BRWD1: variants seen among roughly 807,000 people sequenced by gnomAD.
BRWD1 encodes bromodomain and WD repeat-containing protein 1.
Under a neutral mutation model 251.2 loss-of-function variants are expected in BRWD1, and 82 were observed. The ratio of observed to expected loss-of-function variants is 0.33; its 90% CI spans 0.27 to 0.39. The LOEUF is 0.39. Among genes scored for constraint, BRWD1 ranks in the 10% least tolerant of loss-of-function variants. The pLI is 1.00. For synonymous variants in BRWD1, 918 were observed against 902.8 expected (o/e 1.02, Z -0.30); for missense variants, 2,233 against 2,711.6 (o/e 0.82, Z 3.92).
Position 39,200,400 on chromosome 21 carries a change from A to C in BRWD1, c.4586-14T>G, listed in dbSNP as rs751826913. ...CCACTTCACTTTCTAGGAAAAATAA[A>C]GTGTAAATAGTTACATATATTCTCC... On this transcript the variant is annotated splice_polypyrimidine_tract_variant and intron_variant, in intron 38 of 40. Coordinates refer to ENST00000342449, the MANE Select transcript of BRWD1 (RefSeq NM_033656.4). The C allele has an allele frequency of 1.9e-6, 3 of 1,606,818 alleles. No individual in the cohort carries two copies. The highest frequency in any genetic ancestry group is 2.6e-6 in the Non-Finnish European group (3 of 1,176,132).
Position 39,313,591 on chromosome 21 carries a change from G to GCCC in BRWD1, c.-101_-100insGGG, listed in dbSNP as rs1262426219. 99 of 275,314 alleles carry GCCC rather than the reference G, an allele frequency of 3.6e-4. No homozygotes were observed. The highest frequency in any genetic ancestry group is 2.7e-3 in the Middle Eastern group (2 of 732). The allele number at this position is 275,314 out of a possible 1,614,324, so 17.1% of individuals were successfully genotyped here. A position where few individuals can be genotyped will look rare whatever the true frequency, so the allele number is the denominator to read the frequency against. Reference sequence around the variant, plus strand: ...TGGCGTCCCCTCTTCTCAGGCGCGCGCCGCCGCCGCCGCCGCCGCCGCCAT... The same window carrying GCCC: ...TGGCGTCCCCTCTTCTCAGGCGCGCGCCCCCGCCGCCGCCGCCGCCGCCGCCAT... On this transcript the variant is annotated 5_prime_UTR_variant, in exon 1 of 41. Transcript: ENST00000342449.
intron 21 of BRWD1, among the ~76,000 whole-genome samples, chr21:39,246,299 A>G (rs1026667761): frequency 6.6e-6 from 1 of 152,220 alleles, no homozygotes; most frequent in African/African-American, 2.4e-5. Flanking sequence ...GGGAAATGCA[A>G]ACTGAAACCA....
At chr21:39,276,588 G>A (rs894697794) in intron 11 of BRWD1, among the ~76,000 whole-genome samples, 3 of 152,158 alleles carry the variant, frequency 2.0e-5, no homozygotes, top group African/African-American at 7.2e-5. Context: ...GTTGTTTTAA[G>A]TTATTTAAAT....
chr21:39,270,805 G>T (rs751550213), intron 13 of BRWD1, among the ~76,000 whole-genome samples: 65 of 152,054 alleles, frequency 4.3e-4, no homozygotes, highest in African/African-American at 1.4e-3. Context: ...AAAATTTTAG[G>T]AACACAAAAA....
At chr21:39,260,535 T>C (rs990041463) in intron 17 of BRWD1, among the ~76,000 whole-genome samples, 1 of 152,020 alleles carries the variant, frequency 6.6e-6, no homozygotes, top group Non-Finnish European at 1.5e-5. Flanking sequence ...GATACTGAAA[T>C]ATTGAAGGAG....
intron 8 of BRWD1, among the ~76,000 whole-genome samples, chr21:39,291,458 A>T (rs1473815105): frequency 1.3e-5 from 2 of 152,234 alleles, no homozygotes; most frequent in Non-Finnish European, 2.9e-5. Flanking sequence ...GAAACAGGGT[A>T]GTAGGGACAG....
intron 29 of BRWD1, among the ~76,000 whole-genome samples, chr21:39,220,424 G>T (rs191920050): frequency 1.3e-5 from 2 of 152,222 alleles, no homozygotes; most frequent in Non-Finnish European, 1.5e-5. Context: ...GTTCTAGGCT[G>T]AGCACTGCTC....
At chr21:39,214,658 C>A (rs2032806012) in intron 32 of BRWD1, among the ~76,000 whole-genome samples, 1 of 151,326 alleles carries the variant, frequency 6.6e-6, no homozygotes, top group Non-Finnish European at 1.5e-5. Flanking sequence ...ATAAGTATAC[C>A]GTAGTTATAT....
intron 36 of BRWD1, 182 bp downstream of exon 36, chr21:39,209,811 CTG>C: frequency 1.9e-6 from 1 of 526,068 alleles, no homozygotes; most frequent in Non-Finnish European, 3.0e-6. Context: ...AAGGCAAAAA[CTG>C]AAGCTATATG....
At chr21:39,225,296 A>C (rs1018053171) in intron 27 of BRWD1, 99 bp from the exon 28 acceptor site, 11 of 687,212 alleles carry the variant, frequency 1.6e-5, no homozygotes, top group African/African-American at 5.7e-5. Flanking sequence ...AAAAAAGCCA[A>C]AAGCACAATA....
chr21:39,258,811 T>C (rs1351013101), intron 17 of BRWD1, 139 bp from the exon 18 acceptor site: 5 of 533,680 alleles, frequency 9.4e-6, no homozygotes, highest in Non-Finnish European at 1.5e-5. Flanking sequence ...AAAGATACTC[T>C]ACATATTCAC....
At chr21:39,314,769 G>C (rs2036662383), upstream of BRWD1, 1 of 191,976 alleles carries the variant, frequency 5.2e-6, no homozygotes, top group Non-Finnish European at 1.1e-5. Context: ...GTTCGGGTCA[G>C]ACTCTAGGGC....
chr21:39,277,348 C>G lies in BRWD1; in HGVS notation c.1007G>C (p.Gly336Ala). The G allele has an allele frequency of 6.4e-7, 1 of 1,572,266 alleles. No individual in the cohort carries two copies. The highest frequency in any genetic ancestry group is 8.6e-7 in the Non-Finnish European group (1 of 1,156,588). Reference sequence around the variant, plus strand: ...AGTACTACCTGTGGCTAAAAACATACCACCTGAAATAAAAATGGTAAGGTT... The same window carrying G: ...AGTACTACCTGTGGCTAAAAACATAGCACCTGAAATAAAAATGGTAAGGTT... ...QMLCSSFSVGGMFLATGSTDH... is the reference protein window; with the variant it reads ...QMLCSSFSVGAMFLATGSTDH... The change falls in exon 11 of 41, where the codon GGT (glycine) becomes GCT (alanine). Residue 336 changes from glycine (G) to alanine (A), a missense_variant. Gly to Ala is a moderately conservative substitution (Grantham distance 60). Around this residue, in one of 12 missense-constraint regions of BRWD1, gnomAD observed 315 missense variants for 421.8 expected, o/e 0.75. Coordinates refer to ENST00000342449, the MANE Select transcript of BRWD1 (RefSeq NM_033656.4).
intron 8 of BRWD1, among the ~76,000 whole-genome samples, chr21:39,283,198 T>C (rs546964337): frequency 1.3e-5 from 2 of 152,118 alleles, no homozygotes; most frequent in South Asian, 2.1e-4. Context: ...TCCGTGCTTA[T>C]ATAATTCTCT....
intron 27 of BRWD1, 103 bp from the exon 28 acceptor site, chr21:39,225,300 C>A: frequency 1.3e-6 from 1 of 789,090 alleles, no homozygotes. Flanking sequence ...AAGCCAAAAG[C>A]ACAATACAAA....
intron 23 of BRWD1, among the ~76,000 whole-genome samples, chr21:39,233,621 G>T (rs1034204187): frequency 2.0e-5 from 3 of 152,192 alleles, no homozygotes; most frequent in African/African-American, 7.2e-5. Flanking sequence ...AAGTGTTGCC[G>T]TGAGATTCTG....
chr21:39,294,683 T>C (rs1424403624), intron 7 of BRWD1, among the ~76,000 whole-genome samples: 1 of 149,116 alleles, frequency 6.7e-6, no homozygotes, highest in Non-Finnish European at 1.5e-5. Flanking sequence ...TCTATTCACA[T>C]CAAGCTATAT....
chr21:39,249,828 CAT>C (rs1223431112), intron 20 of BRWD1, among the ~76,000 whole-genome samples: 1 of 151,536 alleles, frequency 6.6e-6, no homozygotes, highest in Non-Finnish European at 1.5e-5. Flanking sequence ...TCTGGTAAAA[CAT>C]ATTTTTTAAC....
At chr21:39,306,095 G>A (rs1177881154) in intron 4 of BRWD1, among the ~76,000 whole-genome samples, 10 of 145,478 alleles carry the variant, frequency 6.9e-5, no homozygotes, top group African/African-American at 2.6e-4. Context: ...TTTTGAGACC[G>A]AGTCTCACTC....
Sources: allele counts gnomAD v4.1 joint callset (sites outside exome capture counted in the v4.1 genomes callset), GRCh38; gene constraint gnomAD v4.1.1; regional missense constraint gnomAD v4.1.1; transcripts MANE v1.5; gene names NCBI Gene and HGNC (gene_info 2026-07-23, HGNC 2026-07-21).